The following ZBTB2 variants were observed in gnomAD, a reference collection of about 807,000 sequenced individuals.
ZBTB2 encodes zinc finger and BTB domain-containing protein 2.
ZBTB2 carries 2 observed loss-of-function variants against 39.5 expected under a neutral mutation model. The observed-to-expected ratio is 0.05, with a 90% confidence interval of 0.02 to 0.16. ZBTB2 has a LOEUF of 0.16. ZBTB2 is among the 10% of genes least tolerant of loss of function. The pLI, the probability that ZBTB2 is intolerant of heterozygous loss-of-function variation, is 1.00. For synonymous variants in ZBTB2, 251 were observed against 256.6 expected (o/e 0.98, Z 0.21); for missense variants, 391 against 653.0 (o/e 0.60, Z 4.37).
intron 1 of ZBTB2, among the ~76,000 whole-genome samples, chr6:151,379,186 G>A (rs1778979963): frequency 6.6e-6 from 1 of 152,130 alleles, no homozygotes; most frequent in African/African-American, 2.4e-5. Flanking sequence ...CCGTACTCTA[G>A]TTAATACTTG....
At chr6:151,369,278 C>T (rs938132657) in intron 2 of ZBTB2, among the ~76,000 whole-genome samples, 2 of 152,124 alleles carry the variant, frequency 1.3e-5, no homozygotes, top group African/African-American at 4.8e-5. Flanking sequence ...GAAAAGAAAG[C>T]GGCGAGTCCC....
At chr6:151,389,715 G>A (rs1483902977) in intron 1 of ZBTB2, among the ~76,000 whole-genome samples, 2 of 152,132 alleles carry the variant, frequency 1.3e-5, no homozygotes, top group African/African-American at 2.4e-5. Context: ...GGGAGGCGGG[G>A]AGCGAGAGCC....
Position 151,366,536 on chromosome 6 carries a change from A to T in ZBTB2, c.530T>A (p.Leu177His). The stretch of plus-strand genomic sequence containing the variant: ...GGCCAGATTTGAAGTCAGCTGGGAG[A>T]GCTGTGAGGCCTCAGGGACCTGCTC... ...SQEQVPEASQLSQLTSNLAQV... is the reference protein window; with the variant it reads ...SQEQVPEASQHSQLTSNLAQV... Residue 177 changes from leucine (L) to histidine (H), a missense_variant, in exon 3 of 3, where the codon CTC becomes CAC. Coordinates refer to ENST00000325144, the MANE Select transcript of ZBTB2 (RefSeq NM_020861.3). The surrounding 1 kb of genome is among the most constrained non-coding windows in gnomAD (Gnocchi z 7.1). 6.2e-7 allele frequency: 1 copy of T among 1,613,760 alleles called. No individual in the cohort carries two copies. Among genetic ancestry groups the T allele is most frequent in the South Asian group, 1.1e-5 (1 of 91,054 alleles).
chr6:151,390,617 G>A (rs1779271737), intron 1 of ZBTB2, among the ~76,000 whole-genome samples: 1 of 150,820 alleles, frequency 6.6e-6, no homozygotes, highest in African/African-American at 2.4e-5. Context: ...GAGACCCGAG[G>A]AGGCCGGAAG....
intron 1 of ZBTB2, among the ~76,000 whole-genome samples, chr6:151,387,412 G>A (rs34576160): frequency 0.11 from 16,285 of 152,130 alleles, 1,019 homozygotes; most frequent in Admixed American, 0.17. Context: ...TAGTATTACT[G>A]TGACAACAGT....
At chr6:151,375,069 G>A (rs1376031241) in intron 1 of ZBTB2, among the ~76,000 whole-genome samples, 2 of 151,618 alleles carry the variant, frequency 1.3e-5, no homozygotes, top group African/African-American at 4.8e-5. Flanking sequence ...GCGGTGAGCC[G>A]AGCTCACACC....
Position 151,365,761 on chromosome 6 carries a change from A to G in ZBTB2, c.1305T>C (p.Ser435=), listed in dbSNP as rs1294663766. Residue 435 remains serine, a synonymous_variant, in exon 3 of 3, where the codon AGT becomes AGC. Coordinates refer to ENST00000325144, the MANE Select transcript of ZBTB2 (RefSeq NM_020861.3). This position sits in a 1 kb window ranked among gnomAD's most constrained non-coding sequence, Gnocchi z 5.6. ...TLELCTFEEG[S]QMDNMLVQTN... ...TTTGCACCAGCATGTTGTCCATCTG[A>G]CTCCCTTCCTCAAATGTGCAGAGTT... 1 of 1,613,840 alleles carries G rather than the reference A, an allele frequency of 6.2e-7. No individual in the cohort carries two copies. The highest frequency in any genetic ancestry group is 1.3e-5 in the African/African-American group (1 of 74,830).
intron 2 of ZBTB2, among the ~76,000 whole-genome samples, chr6:151,368,440 CG>C (rs1325984055): frequency 1.8e-4 from 27 of 151,848 alleles, no homozygotes; most frequent in Admixed American, 1.8e-3. Flanking sequence ...TGAGCCACCG[CG>C]CCTGGCAACT....
chr6:151,382,927 AT>A lies in ZBTB2; in HGVS notation c.-13+8492del, dbSNP rs202174921. Among the ~76,000 whole-genome samples, 966 of 141,448 alleles carry A rather than the reference AT, an allele frequency of 6.8e-3. 2 individuals carry two copies. The highest frequency in any genetic ancestry group is 7.8e-3 in the Admixed American group (109 of 14,014). The allele number at this position is 141,448 out of a possible 152,430, so 92.8% of individuals were successfully genotyped here. A position where few individuals can be genotyped will look rare whatever the true frequency, so the allele number is the denominator to read the frequency against. On this transcript the variant is annotated intron_variant, in intron 1 of 2. Transcript: ENST00000325144. Reference sequence around the variant, plus strand: ...ACTTTAATACATTAAGTTGTATCTAATTTTTTTTTTTTTTTTTAGATTGAGT... The same window carrying A: ...ACTTTAATACATTAAGTTGTATCTAATTTTTTTTTTTTTTTTAGATTGAGT...
intron 1 of ZBTB2, among the ~76,000 whole-genome samples, chr6:151,373,858 A>AC (rs1778839163): frequency 6.9e-6 from 1 of 144,462 alleles, no homozygotes; most frequent in Non-Finnish European, 1.5e-5. Flanking sequence ...AAAAAAAAAA[A>AC]AAAAAAAAAA....
At position 151,386,849 on chromosome 6, in the gene ZBTB2, G is replaced by A. The variant is rs1779164977; in HGVS notation, c.-13+4571C>T. On this transcript the variant is annotated intron_variant, in intron 1 of 2. Transcript: ENST00000325144. ...TTTAACTACTGATAATTACCAAAAT[G>A]GAGAAATTTTAGAAATATTTAATTC... 2.0e-5 allele frequency among the ~76,000 whole-genome samples: 3 copies of A among 151,152 alleles called. No individual in the cohort carries two copies. In the South Asian group the frequency reaches 6.2e-4, roughly 31 times the overall value.
At chr6:151,382,413 C>G (rs1779055048) in intron 1 of ZBTB2, among the ~76,000 whole-genome samples, 1 of 151,718 alleles carries the variant, frequency 6.6e-6, no homozygotes, top group East Asian at 1.9e-4. Flanking sequence ...GTGCCACCAC[C>G]CCTGGCTAAT....
intron 1 of ZBTB2, among the ~76,000 whole-genome samples, chr6:151,383,108 G>C (rs1185589949): frequency 6.6e-6 from 1 of 151,424 alleles, no homozygotes; most frequent in African/African-American, 2.4e-5. Flanking sequence ...TTTTAGTAGA[G>C]ACGGGGTTTC....
At chr6:151,373,730 C>A in intron 1 of ZBTB2, 81 bp from the exon 2 acceptor site, 1 of 1,293,632 alleles carries the variant, frequency 7.7e-7, no homozygotes, top group Non-Finnish European at 1.1e-6. Context: ...CAGTCATGAT[C>A]ATAGCTAACA....
intron 2 of ZBTB2, among the ~76,000 whole-genome samples, chr6:151,371,363 A>G (rs545957657): frequency 6.6e-6 from 1 of 152,246 alleles, no homozygotes; most frequent in South Asian, 2.1e-4. Flanking sequence ...GCACATTTGC[A>G]CTCTTGTACA....
At chr6:151,390,763 CCCTCCCT>C (rs1255919160) in intron 1 of ZBTB2, among the ~76,000 whole-genome samples, 20 of 151,284 alleles carry the variant, frequency 1.3e-4, no homozygotes, top group South Asian at 4.2e-4. Context: ...CCTCCCCTCC[CCCTCCCT>C]CCTCCCTCCC....
intron 1 of ZBTB2, among the ~76,000 whole-genome samples, chr6:151,384,547 A>G (rs1044191675): frequency 6.6e-6 from 1 of 152,228 alleles, no homozygotes; most frequent in Non-Finnish European, 1.5e-5. Context: ...CAGATGAAGG[A>G]GAATGGAGCA....
intron 2 of ZBTB2, among the ~76,000 whole-genome samples, chr6:151,372,794 T>C (rs1365665719): frequency 1.3e-5 from 2 of 151,978 alleles, no homozygotes; most frequent in African/African-American, 2.4e-5. Context: ...AGATAGGGCT[T>C]AGATAATGAG....
chr6:151,389,004 G>C (rs1162168957), intron 1 of ZBTB2, among the ~76,000 whole-genome samples: 1 of 152,170 alleles, frequency 6.6e-6, no homozygotes, highest in Non-Finnish European at 1.5e-5. Context: ...ATCACTTCTT[G>C]TACTTACGAT....
Sources: allele counts gnomAD v4.1 joint callset (sites outside exome capture counted in the v4.1 genomes callset), GRCh38; gene constraint gnomAD v4.1.1; non-coding constraint Gnocchi (gnomAD v3.1); transcripts MANE v1.5; gene names NCBI Gene and HGNC (gene_info 2026-07-23, HGNC 2026-07-21).